The following SPATA16 variants were observed in gnomAD, a reference collection of about 807,000 sequenced individuals.
SPATA16 encodes the protein spermatogenesis-associated protein 16.
A neutral mutation model predicts 63.3 loss-of-function variants in SPATA16; 36 were observed. The ratio of observed to expected loss-of-function variants is 0.57; its 90% CI spans 0.44 to 0.75. The LOEUF is 0.75. Among genes scored for constraint, SPATA16 ranks in the 30% least tolerant of loss-of-function variants. The probability of loss-of-function intolerance (pLI) is 0.00; values close to 1 mark genes in which losing one functional copy is unlikely to be tolerated. For missense variants in SPATA16, 646 were observed against 679.3 expected, an observed-to-expected ratio of 0.95 and a Z score of 0.54; for synonymous variants, 203 against 216.7, an observed-to-expected ratio of 0.94 and a Z score of 0.56.
At chr3:173,120,309 C>T (rs543791448) in intron 1 of SPATA16, among the ~76,000 whole-genome samples, 13 of 152,220 alleles carry the variant, frequency 8.5e-5, no homozygotes, top group Admixed American at 6.5e-5. Context: ...ATGAACACTC[C>T]GGCTATGCAT....
intron 10 of SPATA16, among the ~76,000 whole-genome samples, chr3:172,902,374 T>C (rs1425588253): frequency 6.6e-6 from 1 of 152,006 alleles, no homozygotes; most frequent in African/African-American, 2.4e-5. Flanking sequence ...TATAATGGGG[T>C]GAATGGGGGA....
chr3:172,971,907 G>T (rs761866744), intron 5 of SPATA16, among the ~76,000 whole-genome samples: 1 of 152,100 alleles, frequency 6.6e-6, no homozygotes, highest in Non-Finnish European at 1.5e-5. Context: ...TAAAGAGAAG[G>T]AGTTGTAAAA....
chr3:172,957,042 A>G (rs1052956450), intron 5 of SPATA16, among the ~76,000 whole-genome samples: 1 of 152,160 alleles, frequency 6.6e-6, no homozygotes, highest in Non-Finnish European at 1.5e-5. Flanking sequence ...GAAAGTTTGT[A>G]AACAGGCACC....
intron 2 of SPATA16, among the ~76,000 whole-genome samples, chr3:173,053,233 G>C (rs2108296322): frequency 6.6e-6 from 1 of 152,240 alleles, no homozygotes; most frequent in African/African-American, 2.4e-5. Flanking sequence ...GCGGGCACCT[G>C]TATTCCCAGC....
At chr3:173,088,018 CTT>C (rs1228717792) in intron 2 of SPATA16, among the ~76,000 whole-genome samples, 6 of 88,170 alleles carry the variant, frequency 6.8e-5, no homozygotes, top group Admixed American at 2.5e-4. Context: ...GTCTTTCTTT[CTT>C]TCTTTCTTTC....
intron 6 of SPATA16, among the ~76,000 whole-genome samples, chr3:172,939,478 C>T (rs1372850025): frequency 6.6e-6 from 1 of 152,142 alleles, no homozygotes; most frequent in Non-Finnish European, 1.5e-5. Context: ...CTTAGCTTGA[C>T]CCCTGGCTGC....
chr3:173,128,564 T>C (rs1738288979), intron 1 of SPATA16, among the ~76,000 whole-genome samples: 2 of 152,188 alleles, frequency 1.3e-5, no homozygotes, highest in Non-Finnish European at 2.9e-5. Flanking sequence ...AGAAGAGGGC[T>C]GTATTGAAAA....
At chr3:173,007,123 A>G (rs2108269160) in intron 4 of SPATA16, among the ~76,000 whole-genome samples, 1 of 152,320 alleles carries the variant, frequency 6.6e-6, no homozygotes, top group East Asian at 1.9e-4. Flanking sequence ...AACAAAAGCA[A>G]TTGTAATCAC....
intron 6 of SPATA16, among the ~76,000 whole-genome samples, chr3:172,942,196 T>C (rs958414271): frequency 1.3e-5 from 2 of 152,138 alleles, no homozygotes; most frequent in African/African-American, 2.4e-5. Flanking sequence ...CAGGGACTTA[T>C]ACTCTGGCAG....
intron 1 of SPATA16, among the ~76,000 whole-genome samples, chr3:173,135,805 C>T (rs1738530269): frequency 6.6e-6 from 1 of 152,170 alleles, no homozygotes; most frequent in Non-Finnish European, 1.5e-5. Context: ...TCGAATGGAA[C>T]AGGGGGAGCT....
chr3:173,017,144 T>C (rs1735208695), intron 4 of SPATA16, among the ~76,000 whole-genome samples: 1 of 152,214 alleles, frequency 6.6e-6, no homozygotes, highest in African/African-American at 2.4e-5. Context: ...AATGACCTTA[T>C]ACTGTATATT....
chr3:172,985,558 G>C (rs768438749), intron 4 of SPATA16, among the ~76,000 whole-genome samples: 12 of 152,146 alleles, frequency 7.9e-5, no homozygotes, highest in Non-Finnish European at 1.3e-4. Context: ...CAAATGTTAA[G>C]TACCTTATGT....
At chr3:173,112,127 C>T (rs1737764320) in intron 2 of SPATA16, among the ~76,000 whole-genome samples, 2 of 152,054 alleles carry the variant, frequency 1.3e-5, no homozygotes, top group Non-Finnish European at 2.9e-5. Flanking sequence ...CCCACTCTCC[C>T]CCTACACACA....
intron 2 of SPATA16, among the ~76,000 whole-genome samples, chr3:173,082,795 C>T (rs1312067402): frequency 6.6e-6 from 1 of 152,158 alleles, no homozygotes; most frequent in East Asian, 1.9e-4. Flanking sequence ...GGGATAAGAG[C>T]AGAGGTCCTT....
chr3:172,894,250 T>C (rs1731957951), intron 10 of SPATA16, among the ~76,000 whole-genome samples: 1 of 152,196 alleles, frequency 6.6e-6, no homozygotes, highest in South Asian at 2.1e-4. Flanking sequence ...AGAATTACAA[T>C]TGTTTTCAAA....
intron 2 of SPATA16, among the ~76,000 whole-genome samples, chr3:173,098,075 A>G (rs7653619): frequency 0.13 from 19,039 of 152,054 alleles, 1,254 homozygotes; most frequent in East Asian, 0.25. Flanking sequence ...TGGCAACATA[A>G]TCAGAAAGTG....
intron 2 of SPATA16, 89 bp from the exon 3 acceptor site, chr3:173,049,183 T>C: frequency 2.8e-6 from 4 of 1,435,506 alleles, no homozygotes; most frequent in South Asian, 1.3e-5. Flanking sequence ...GTTTTATTTA[T>C]ATATGTTTTG....
At chr3:172,991,667 G>A (rs372818342) in intron 4 of SPATA16, among the ~76,000 whole-genome samples, 1 of 152,118 alleles carries the variant, frequency 6.6e-6, no homozygotes, top group African/African-American at 2.4e-5. Context: ...ACCAGAAAAC[G>A]GGTTAATAAA....
At chr3:172,939,249 G>A (rs537513349) in intron 6 of SPATA16, among the ~76,000 whole-genome samples, 4 of 152,216 alleles carry the variant, frequency 2.6e-5, no homozygotes, top group Admixed American at 2.6e-4. Context: ...CTTGCTTGGT[G>A]CCCTGCAAAT....
Sources: gnomAD v4.1 joint callset for allele counts (sites outside exome capture counted in the v4.1 genomes callset) on GRCh38, gnomAD v4.1.1 for gene constraint, MANE v1.5 for transcripts, NCBI Gene and HGNC (gene_info 2026-07-23, HGNC 2026-07-21) for gene names.